ITPR2: variants seen among roughly 807,000 people sequenced by gnomAD.
ITPR2 encodes the protein inositol 1,4,5-trisphosphate-gated calcium channel ITPR2.
A neutral mutation model predicts 317.1 loss-of-function variants in ITPR2; 207 were observed. The ratio of observed to expected loss-of-function variants is 0.65; its 90% CI spans 0.58 to 0.73. The LOEUF (loss-of-function observed/expected upper bound fraction) is 0.73, where lower values mean the gene tolerates loss of function less well. Ranked by LOEUF, ITPR2 falls within the 30% of genes least tolerant of loss-of-function variation. The pLI is 0.00. For missense variants in ITPR2, 2,613 were observed against 3,284.0 expected (o/e 0.80, Z 4.99); for synonymous variants, 1,156 against 1,149.1 (o/e 1.01, Z -0.12).
chr12:26,495,998 C>T (rs1171614340), intron 37 of ITPR2, among the ~76,000 whole-genome samples: 2 of 152,176 alleles, frequency 1.3e-5, no homozygotes, highest in African/African-American at 4.8e-5. Context: ...CAATTTTGTA[C>T]TGACTACAGG....
chr12:26,670,270 C>A, intron 13 of ITPR2, among the ~76,000 whole-genome samples: 1 of 152,320 alleles, frequency 6.6e-6, no homozygotes, highest in Non-Finnish European at 1.5e-5. Flanking sequence ...GACCCCTGAC[C>A]CCTGAGCAGC....
At chr12:26,456,318 G>A (rs940973404) in intron 45 of ITPR2, among the ~76,000 whole-genome samples, 3 of 152,354 alleles carry the variant, frequency 2.0e-5, no homozygotes, top group East Asian at 1.9e-4. Flanking sequence ...GCATTGGCAT[G>A]CTTAAAGACA....
chr12:26,498,103 T>C (rs191658831), intron 37 of ITPR2, among the ~76,000 whole-genome samples: 5 of 152,344 alleles, frequency 3.3e-5, no homozygotes, highest in African/African-American at 4.8e-5. Context: ...AACTTTTATT[T>C]ATTGGTACTT....
chr12:26,565,199 C>G (rs1418628555), intron 34 of ITPR2, among the ~76,000 whole-genome samples: 2 of 152,082 alleles, frequency 1.3e-5, no homozygotes, highest in African/African-American at 4.8e-5. Context: ...TTTTACATGT[C>G]CACATGGATA....
At chr12:26,717,656 G>A (rs545114176) in intron 5 of ITPR2, among the ~76,000 whole-genome samples, 15 of 152,286 alleles carry the variant, frequency 9.8e-5, no homozygotes, top group East Asian at 5.8e-4. Context: ...GCTATCATTC[G>A]TGTACAAATG....
chr12:26,745,169 C>T (rs1049264021), intron 2 of ITPR2, among the ~76,000 whole-genome samples: 11 of 152,184 alleles, frequency 7.2e-5, no homozygotes, highest in Admixed American at 6.5e-4. Context: ...GCTCCTTGCC[C>T]GCTAGATGAA....
At chr12:26,731,238 G>A (rs1403876153) in intron 2 of ITPR2, among the ~76,000 whole-genome samples, 1 of 152,172 alleles carries the variant, frequency 6.6e-6, no homozygotes, top group African/African-American at 2.4e-5. Flanking sequence ...ACGGTAGCCT[G>A]TAAAAAACAC....
chr12:26,488,469 C>T (rs1444850589), intron 39 of ITPR2, among the ~76,000 whole-genome samples: 1 of 151,974 alleles, frequency 6.6e-6, no homozygotes, highest in East Asian at 1.9e-4. Flanking sequence ...AAATGGTTGC[C>T]TACTCTGCAA....
intron 45 of ITPR2, among the ~76,000 whole-genome samples, chr12:26,448,694 A>T (rs1418350204): frequency 6.6e-6 from 1 of 152,194 alleles, no homozygotes; most frequent in Non-Finnish European, 1.5e-5. Context: ...GAATAAAGAC[A>T]TCCCCACAGG....
chr12:26,670,907 A>G (rs1483175738), intron 13 of ITPR2, among the ~76,000 whole-genome samples: 4 of 152,228 alleles, frequency 2.6e-5, no homozygotes, highest in African/African-American at 9.7e-5. Flanking sequence ...AGAATGCAGA[A>G]GCCTCAGGAG....
At chr12:26,604,266 G>A (rs1422552722) in intron 26 of ITPR2, among the ~76,000 whole-genome samples, 1 of 152,060 alleles carries the variant, frequency 6.6e-6, no homozygotes, top group African/African-American at 2.4e-5. Context: ...TTCTTTTCTG[G>A]CAAATATTGT....
intron 22 of ITPR2, among the ~76,000 whole-genome samples, chr12:26,628,914 G>A (rs1249229923): frequency 6.6e-6 from 1 of 152,186 alleles, no homozygotes; most frequent in Non-Finnish European, 1.5e-5. Context: ...AGAAAAAGCT[G>A]GGATGTGCTG....
intron 8 of ITPR2, among the ~76,000 whole-genome samples, chr12:26,714,249 T>C (rs1948699624): frequency 6.6e-6 from 1 of 152,202 alleles, no homozygotes; most frequent in African/African-American, 2.4e-5. Context: ...ATTATGGTTA[T>C]CTCTCCGTTT....
intron 26 of ITPR2, among the ~76,000 whole-genome samples, chr12:26,603,061 T>C (rs538658399): frequency 6.6e-6 from 1 of 152,072 alleles, no homozygotes; most frequent in South Asian, 2.1e-4. Context: ...ATAGTGAAAA[T>C]ACAGGGCATA....
chr12:26,643,061 G>T (rs1032116921), intron 21 of ITPR2, among the ~76,000 whole-genome samples: 1 of 152,132 alleles, frequency 6.6e-6, no homozygotes, highest in African/African-American at 2.4e-5. Context: ...TGGGACCAGG[G>T]CTCTTTCGAA....
chr12:26,485,630 A>C (rs912641908), intron 41 of ITPR2, among the ~76,000 whole-genome samples: 1 of 152,206 alleles, frequency 6.6e-6, no homozygotes, highest in East Asian at 1.9e-4. Flanking sequence ...ATCCACCTTC[A>C]CTCTGGTTAA....
At chr12:26,573,037 ATTTT>A (rs1945201034) in intron 34 of ITPR2, among the ~76,000 whole-genome samples, 1 of 149,148 alleles carries the variant, frequency 6.7e-6, no homozygotes, top group Non-Finnish European at 1.5e-5. Flanking sequence ...TTATTTATTT[ATTTT>A]AGAAACAGGG....
chr12:26,489,072 C>A (rs933605035), intron 39 of ITPR2, among the ~76,000 whole-genome samples: 1 of 152,092 alleles, frequency 6.6e-6, no homozygotes, highest in African/African-American at 2.4e-5. Context: ...TAGATAACAC[C>A]TTTTAAGAAC....
At chr12:26,813,902 G>A (rs372945852) in intron 1 of ITPR2, among the ~76,000 whole-genome samples, 9 of 152,302 alleles carry the variant, frequency 5.9e-5, no homozygotes, top group East Asian at 5.8e-4. Context: ...GTAAAGGGGT[G>A]ATTTTATTTG....
Sources: allele counts gnomAD v4.1 joint callset (sites outside exome capture counted in the v4.1 genomes callset), GRCh38; gene constraint gnomAD v4.1.1; transcripts MANE v1.5; gene names NCBI Gene and HGNC (gene_info 2026-07-23, HGNC 2026-07-21).